The following GLE1 variants were observed in gnomAD, a reference collection of about 807,000 sequenced individuals.
The protein encoded by GLE1 is mRNA export factor GLE1.
Under a neutral mutation model 97.3 loss-of-function variants are expected in GLE1, and 78 were observed. That is an observed-to-expected ratio of 0.80 (90% CI 0.67 to 0.97). The LOEUF (loss-of-function observed/expected upper bound fraction) is 0.97, where lower values mean the gene tolerates loss of function less well. Ranked by LOEUF, GLE1 falls within the 50% of genes least tolerant of loss-of-function variation. GLE1 has a pLI of 0.00. For synonymous variants in GLE1, 302 were observed against 313.4 expected, an observed-to-expected ratio of 0.96 and a Z score of 0.39; for missense variants, 753 against 857.5, an observed-to-expected ratio of 0.88 and a Z score of 1.52.
At chr9:128,525,909 G>A (rs1386551296) in intron 7 of GLE1, among the ~76,000 whole-genome samples, 2 of 152,146 alleles carry the variant, frequency 1.3e-5, no homozygotes, top group East Asian at 3.9e-4. Flanking sequence ...TGGTGACAGA[G>A]TGAGACTCCG....
intron 9 of GLE1, 86 bp downstream of exon 9, chr9:128,527,611 T>C: frequency 2.4e-6 from 2 of 842,488 alleles, no homozygotes; most frequent in Non-Finnish European, 4.2e-6. Context: ...AAGGTTCCTA[T>C]AAAAGTATAT....
At chr9:128,511,595 A>T (rs990517675) in intron 2 of GLE1, among the ~76,000 whole-genome samples, 1 of 151,172 alleles carries the variant, frequency 6.6e-6, no homozygotes, top group Non-Finnish European at 1.5e-5. Flanking sequence ...AGTCCCAGCT[A>T]CTCAGGAGGC....
rs2132458311 is a variant in GLE1, at chr9:128,523,630, CGTGAA to C, written c.683_687del (p.Val228AlafsTer37). The C allele has an allele frequency of 1.2e-6, 2 of 1,614,104 alleles. No homozygotes were observed. Among genetic ancestry groups the C allele is most frequent in the Non-Finnish European group, 1.7e-6 (2 of 1,180,018 alleles). Reference sequence around the variant, plus strand: ...AGCTGCGGGAAGCAGAGCAGCAGCGCGTGAAGCAAGCAGAACAGGAGCGGCTTCGG... The same window carrying C: ...AGCTGCGGGAAGCAGAGCAGCAGCGCGCAAGCAGAACAGGAGCGGCTTCGG... On this transcript the variant is annotated frameshift_variant, in exon 6 of 16. Transcript: ENST00000309971. LOFTEE classifies it high-confidence loss of function.
At chr9:128,521,324 G>A (rs1003306481) in intron 3 of GLE1, among the ~76,000 whole-genome samples, 4 of 151,962 alleles carry the variant, frequency 2.6e-5, no homozygotes, top group Non-Finnish European at 5.9e-5. Context: ...GCTTGAGATC[G>A]GGAGCTCTAG....
At chr9:128,513,527 C>T (rs1050807827) in intron 2 of GLE1, among the ~76,000 whole-genome samples, 6 of 151,832 alleles carry the variant, frequency 4.0e-5, no homozygotes, top group Middle Eastern at 3.4e-3. Context: ...GACTAGCCTG[C>T]GCAACATGGG....
At chr9:128,524,072 C>CTTTTTTTTTT (rs67466089) in intron 6 of GLE1, among the ~76,000 whole-genome samples, 3 of 69,954 alleles carry the variant, frequency 4.3e-5, no homozygotes, top group African/African-American at 2.2e-4. Context: ...ATTCTGGAGT[C>CTTTTTTTTTT]TTTTTTTTTT....
intron 2 of GLE1, among the ~76,000 whole-genome samples, chr9:128,514,206 G>A (rs1339313425): frequency 6.6e-6 from 1 of 151,532 alleles, no homozygotes; most frequent in African/African-American, 2.4e-5. Flanking sequence ...AGGTGTGGTG[G>A]CGTGCGCCAG....
At chr9:128,534,000 A>T in intron 11 of GLE1, 49 bp downstream of exon 11, 1 of 1,174,312 alleles carries the variant, frequency 8.5e-7, no homozygotes. Context: ...GATTAATGAA[A>T]TATAAATAGA....
At chr9:128,532,034 T>G (rs1166472641) in intron 9 of GLE1, among the ~76,000 whole-genome samples, 2 of 149,280 alleles carry the variant, frequency 1.3e-5, no homozygotes, top group Non-Finnish European at 3.0e-5. Context: ...TCCACATGGT[T>G]GGCTTTTTTT....
chr9:128,536,779 G>T (rs533863216), intron 12 of GLE1: 16 of 366,382 alleles, frequency 4.4e-5, no homozygotes, highest in South Asian at 3.5e-4. Flanking sequence ...GCAAGAAATT[G>T]TCATCTTAGA....
chr9:128,519,362 G>A (rs140562471), intron 3 of GLE1, among the ~76,000 whole-genome samples: 1,853 of 152,244 alleles, frequency 0.012, 29 homozygotes, highest in African/African-American at 0.043. Context: ...GAGAAATATC[G>A]CTGAATTCTT....
chr9:128,505,046 C>A, intron 1 of GLE1, 142 bp downstream of exon 1: 1 of 676,916 alleles, frequency 1.5e-6, no homozygotes, highest in South Asian at 1.6e-5. Context: ...TGTGTACATC[C>A]CTCTGTCCTG....
At chr9:128,523,131 C>A in intron 4 of GLE1, 149 bp from the exon 5 acceptor site, 2 of 744,920 alleles carry the variant, frequency 2.7e-6, no homozygotes, top group Non-Finnish European at 4.8e-6. Flanking sequence ...GTGAGCTATG[C>A]TCTGCAGCCT....
chr9:128,525,265 A>T lies in GLE1; in HGVS notation c.971A>T (p.Asn324Ile). ...CGGGAAATGCGGGACCTCCTGATGA[A>T]CTTGGGGCAGGAGATCACCAGAGCC... ...ALREMRDLLM[N>I]LGQEITRACE... The change falls in exon 7 of 16, where the codon AAC becomes ATC. Residue 324 changes from asparagine to isoleucine, a missense_variant. Transcript: ENST00000309971. 6.2e-7 allele frequency: 1 copy of T among 1,614,200 alleles called. No individual in the cohort carries two copies.
intron 2 of GLE1, among the ~76,000 whole-genome samples, chr9:128,513,531 A>G (rs1005955904): frequency 2.6e-5 from 4 of 152,106 alleles, no homozygotes; most frequent in African/African-American, 9.7e-5. Flanking sequence ...AGCCTGCGCA[A>G]CATGGGGAAA....
intron 1 of GLE1, among the ~76,000 whole-genome samples, chr9:128,508,165 A>C (rs376603861): frequency 6.6e-5 from 9 of 136,996 alleles, no homozygotes; most frequent in African/African-American, 2.6e-4. Context: ...GGGCAACAAG[A>C]GCGAAACTCC....
chr9:128,505,432 C>CT (rs1303418321), intron 1 of GLE1, among the ~76,000 whole-genome samples: 1 of 152,216 alleles, frequency 6.6e-6, no homozygotes, highest in African/African-American at 2.4e-5. Context: ...TCCCGAGTCG[C>CT]TGCTAGTTAG....
intron 3 of GLE1, among the ~76,000 whole-genome samples, chr9:128,522,327 T>C (rs1847173431): frequency 6.6e-6 from 1 of 152,142 alleles, no homozygotes; most frequent in Non-Finnish European, 1.5e-5. Flanking sequence ...CAGGGGTAAA[T>C]GATCAAGGTG....
chr9:128,527,493 C>G lies in GLE1; in HGVS notation c.1280C>G (p.Thr427Ser), dbSNP rs960331783. The change falls in exon 9 of 16, where the codon ACC becomes AGC. Residue 427 changes from threonine (T) to serine (S), a missense_variant. Physicochemically the swap from Thr to Ser is moderately conservative, Grantham distance 58. Transcript: ENST00000309971. ...AAGATGGACCTCCAGAAGGCTGCTA[C>G]CATCCCAGTGAGCCAAATCTCTACC... ...KIKMDLQKAA[T>S]IPVSQISTIA... 1.2e-6 allele frequency: 2 copies of G among 1,613,014 alleles called. No homozygotes were observed. The highest frequency in any genetic ancestry group is 1.7e-6 in the Non-Finnish European group (2 of 1,178,996).
Sources: gnomAD v4.1 joint callset for allele counts (sites outside exome capture counted in the v4.1 genomes callset) on GRCh38, gnomAD v4.1.1 for gene constraint, MANE v1.5 for transcripts, NCBI Gene and HGNC (gene_info 2026-07-23, HGNC 2026-07-21) for gene names.